The following KCNAB1 variants were observed in gnomAD, a reference collection of about 807,000 sequenced individuals.
KCNAB1 encodes potassium voltage-gated channel subfamily A regulatory beta subunit 1, also known as voltage-gated potassium channel subunit beta-1.
Under a neutral mutation model 64.6 loss-of-function variants are expected in KCNAB1, and 35 were observed. The ratio of observed to expected loss-of-function variants is 0.54; its 90% CI spans 0.41 to 0.72. The LOEUF is 0.72. Among genes scored for constraint, KCNAB1 ranks in the 30% least tolerant of loss-of-function variants. The pLI is 0.00. For synonymous variants in KCNAB1, 177 were observed against 183.8 expected, an observed-to-expected ratio of 0.96 and a Z score of 0.30; for missense variants, 401 against 512.9, an observed-to-expected ratio of 0.78 and a Z score of 2.11.
At chr3:156,220,834 G>T (rs945966012) in intron 1 of KCNAB1, among the ~76,000 whole-genome samples, 6 of 152,156 alleles carry the variant, frequency 3.9e-5, no homozygotes, top group African/African-American at 1.4e-4. Flanking sequence ...TTCTTCTAGG[G>T]TTTTTATGGT....
At chr3:156,360,151 C>T (rs1472294368) in intron 1 of KCNAB1, among the ~76,000 whole-genome samples, 1 of 152,188 alleles carries the variant, frequency 6.6e-6, no homozygotes, top group East Asian at 1.9e-4. Flanking sequence ...TAAATAAAAA[C>T]AGTATATTAC....
chr3:156,171,706 T>G (rs1159993520), intron 1 of KCNAB1, among the ~76,000 whole-genome samples: 1 of 152,186 alleles, frequency 6.6e-6, no homozygotes, highest in African/African-American at 2.4e-5. Context: ...GGCTCTTCAT[T>G]TCCCCTACGC....
downstream of KCNAB1, chr3:156,539,093 A>G (rs1178758924): frequency 6.6e-6 from 1 of 152,198 alleles, no homozygotes; most frequent in African/African-American, 2.4e-5. Context: ...TTTCTCTTCC[A>G]AAAAGAATTC....
chr3:156,210,366 G>A (rs1046015719), intron 1 of KCNAB1, among the ~76,000 whole-genome samples: 2 of 152,128 alleles, frequency 1.3e-5, no homozygotes, highest in African/African-American at 4.8e-5. Flanking sequence ...ACACTATCCT[G>A]GGTTATAATT....
At chr3:156,246,766 G>T (rs957713508) in intron 1 of KCNAB1, among the ~76,000 whole-genome samples, 3 of 152,118 alleles carry the variant, frequency 2.0e-5, no homozygotes, top group South Asian at 4.1e-4. Flanking sequence ...CTTCTGGGAG[G>T]TTGTGTTTGT....
chr3:156,285,510 G>A (rs780916437), intron 1 of KCNAB1, among the ~76,000 whole-genome samples: 1 of 58,006 alleles, frequency 1.7e-5, no homozygotes, highest in Non-Finnish European at 2.9e-5. Flanking sequence ...TTCTTTTTTT[G>A]GTGGGGGGGA....
chr3:156,374,429 T>G (rs1352209494), intron 1 of KCNAB1, among the ~76,000 whole-genome samples: 3 of 85,742 alleles, frequency 3.5e-5, no homozygotes, highest in Non-Finnish European at 6.8e-5. Context: ...CTAGAGCACT[T>G]TATTTGCTTG....
At chr3:156,430,878 T>C (rs577300492) in intron 2 of KCNAB1, among the ~76,000 whole-genome samples, 1 of 152,336 alleles carries the variant, frequency 6.6e-6, no homozygotes, top group South Asian at 2.1e-4. Flanking sequence ...AGGTTCGGCA[T>C]GACTCTGGGT....
intron 1 of KCNAB1, chr3:156,290,948 C>T: frequency 3.1e-6 from 3 of 983,422 alleles, no homozygotes; most frequent in Non-Finnish European, 3.6e-6. Context: ...GGATTTCAAG[C>T]TGTGTTTCAG....
chr3:156,355,275 C>A (rs1201036848), intron 1 of KCNAB1, among the ~76,000 whole-genome samples: 1 of 152,144 alleles, frequency 6.6e-6, no homozygotes. Context: ...ACCAAAGAAT[C>A]CCATTATTTT....
intron 1 of KCNAB1, among the ~76,000 whole-genome samples, chr3:156,380,164 A>G (rs1284674843): frequency 6.6e-6 from 1 of 152,150 alleles, no homozygotes; most frequent in African/African-American, 2.4e-5. Flanking sequence ...AGGTCTCTAA[A>G]CAAACCTGAT....
At chr3:156,469,067 A>G (rs763489043) in intron 7 of KCNAB1, among the ~76,000 whole-genome samples, 2 of 152,070 alleles carry the variant, frequency 1.3e-5, no homozygotes, top group Non-Finnish European at 2.9e-5. Context: ...TTTTTAATCT[A>G]ATTAATTAGA....
chr3:156,292,372 T>C (rs948691727), intron 1 of KCNAB1, among the ~76,000 whole-genome samples: 21 of 152,234 alleles, frequency 1.4e-4, no homozygotes, highest in African/African-American at 5.1e-4. Flanking sequence ...TTAGAAACTA[T>C]GTACATTCCA....
At chr3:156,290,914 G>A in intron 1 of KCNAB1, 2 of 950,624 alleles carry the variant, frequency 2.1e-6, no homozygotes, top group South Asian at 4.8e-5. Flanking sequence ...GAGAGAAAAG[G>A]AACTCTGACA....
At chr3:156,153,993 G>A (rs753064057) in intron 1 of KCNAB1, among the ~76,000 whole-genome samples, 1 of 152,140 alleles carries the variant, frequency 6.6e-6, no homozygotes, top group Admixed American at 6.5e-5. Flanking sequence ...CCTGTTAGTT[G>A]TGTTTATCTG....
At chr3:156,290,658 A>G (rs1193594470) in intron 1 of KCNAB1, among the ~76,000 whole-genome samples, 3 of 152,176 alleles carry the variant, frequency 2.0e-5, no homozygotes, top group Non-Finnish European at 4.4e-5. Context: ...GTGGCCACAG[A>G]TGATCAGTGG....
intron 1 of KCNAB1, among the ~76,000 whole-genome samples, chr3:156,364,878 C>T (rs1474032302): frequency 6.6e-6 from 1 of 152,116 alleles, no homozygotes; most frequent in African/African-American, 2.4e-5. Context: ...AAATCAATCT[C>T]ATTAAAAGTA....
rs1442246810 is a variant in KCNAB1, at chr3:156,134,177, T to G, written c.275+13291T>G. On this transcript the variant is annotated intron_variant, in intron 1 of 13. Transcript: ENST00000490337. ...TCTTAATAAATGTCAGCTATTGTGC[T>G]ATGTTAAAATATCCTCAGGGGCTAT... is the stretch of plus-strand genomic sequence containing the variant. Among the ~76,000 whole-genome samples the G allele has an allele frequency of 3.3e-5, 5 of 152,372 alleles. 1 individual carries two copies. The East Asian group carries it at 9.6e-4, about 29-fold the overall frequency.
rs148634769 is a variant in KCNAB1 at position 156,384,140 on chromosome 3, A to G, written c.276-37476A>G. Among the ~76,000 whole-genome samples the G allele has an allele frequency of 7.2e-4, 110 of 152,348 alleles. 4 individuals carry two copies. The highest frequency in any genetic ancestry group is 2.5e-3 in the African/African-American group (104 of 41,596). ...ATTAGGCACTTTTTATTCTGCAATT[A>G]AATAAGTTCACTGCCCTTTTGCTAA... On this transcript the variant is annotated intron_variant, in intron 1 of 13. Coordinates refer to ENST00000490337, the MANE Select transcript of KCNAB1 (RefSeq NM_172160.3).
Sources: gnomAD v4.1 joint callset for allele counts (sites outside exome capture counted in the v4.1 genomes callset) on GRCh38, gnomAD v4.1.1 for gene constraint, MANE v1.5 for transcripts, NCBI Gene and HGNC (gene_info 2026-07-23, HGNC 2026-07-21) for gene names.